The following BFSP1 variants were observed in gnomAD, a reference collection of about 807,000 sequenced individuals.
BFSP1 encodes the protein filensin.
Under a neutral mutation model 43.9 loss-of-function variants are expected in BFSP1, and 38 were observed. The ratio of observed to expected loss-of-function variants is 0.87; its 90% CI spans 0.67 to 1.14. BFSP1 has a LOEUF of 1.14. BFSP1 is among the 50% of genes most tolerant of loss of function. BFSP1 has a pLI of 0.00. For missense variants in BFSP1, 850 were observed against 875.1 expected (o/e 0.97, Z 0.36); for synonymous variants, 352 against 354.8 (o/e 0.99, Z 0.09).
upstream of BFSP1, among the ~76,000 whole-genome samples, chr20:17,535,359 T>C (rs2034609671): frequency 6.6e-6 from 1 of 152,134 alleles, no homozygotes; most frequent in Admixed American, 6.6e-5. Flanking sequence ...TGAAACCCCA[T>C]CTGTACTAAA....
chr20:17,522,366 G>C (rs998987546), intron 2 of BFSP1, among the ~76,000 whole-genome samples: 1 of 152,140 alleles, frequency 6.6e-6, no homozygotes, highest in Non-Finnish European at 1.5e-5. Context: ...ATAACCACGG[G>C]CTGTTCTGAG....
At chr20:17,511,025 T>TG (rs1208174154) in intron 4 of BFSP1, among the ~76,000 whole-genome samples, 2 of 152,202 alleles carry the variant, frequency 1.3e-5, no homozygotes, top group African/African-American at 4.8e-5. Flanking sequence ...TTGTTCAGGC[T>TG]GGTATTGAAC....
At chr20:17,498,071 AAG>A (rs1412884009) in intron 6 of BFSP1, among the ~76,000 whole-genome samples, 2 of 152,150 alleles carry the variant, frequency 1.3e-5, no homozygotes, top group African/African-American at 2.4e-5. Flanking sequence ...GCTCACAGCC[AAG>A]AGAGAGCACC....
chr20:17,555,164 G>A (rs1489191434), intron 1 of BFSP1, among the ~76,000 whole-genome samples: 1 of 151,814 alleles, frequency 6.6e-6, no homozygotes, highest in Non-Finnish European at 1.5e-5. Context: ...AGCCAGGCAT[G>A]GTGGTGCATG....
chr20:17,535,731 G>A (rs1429723106), upstream of BFSP1, among the ~76,000 whole-genome samples: 1 of 152,104 alleles, frequency 6.6e-6, no homozygotes, highest in African/African-American at 2.4e-5. Flanking sequence ...TAGAAAGTTT[G>A]AAATTATTTT....
intron 7 of BFSP1, 27 bp downstream of exon 7, chr20:17,496,911 C>G: frequency 4.8e-6 from 7 of 1,468,726 alleles, no homozygotes; most frequent in Non-Finnish European, 6.4e-6. Flanking sequence ...CAGAAAAAAA[C>G]AGAAGTCCAG....
intron 4 of BFSP1, 120 bp from the exon 5 acceptor site, chr20:17,509,116 C>A: frequency 1.5e-6 from 1 of 656,950 alleles, no homozygotes; most frequent in Non-Finnish European, 2.4e-6. Flanking sequence ...TGTTGAAGCC[C>A]TAACTAACTC....
intron 3 of BFSP1, among the ~76,000 whole-genome samples, chr20:17,513,102 T>A (rs1026666755): frequency 1.3e-5 from 2 of 152,054 alleles, no homozygotes; most frequent in African/African-American, 4.8e-5. Flanking sequence ...CTCTCTCAAC[T>A]CCTTGAGGGA....
chr20:17,541,379 C>T (rs73256667), intron 1 of BFSP1, among the ~76,000 whole-genome samples: 1,636 of 152,242 alleles, frequency 0.011, 31 homozygotes, highest in African/African-American at 0.038. Context: ...ATTCCACATT[C>T]GCTGATTGGG....
At chr20:17,567,551 T>G (rs1490997823) in intron 1 of BFSP1, among the ~76,000 whole-genome samples, 1 of 152,054 alleles carries the variant, frequency 6.6e-6, no homozygotes, top group Non-Finnish European at 1.5e-5. Flanking sequence ...CTCAGGTGAT[T>G]TGGATCTTTA....
chr20:17,548,923 C>T (rs888220235), intron 1 of BFSP1, among the ~76,000 whole-genome samples: 2 of 152,082 alleles, frequency 1.3e-5, no homozygotes, highest in Non-Finnish European at 2.9e-5. Flanking sequence ...TCCTCCTGCC[C>T]TTGCCTCCCA....
chr20:17,510,078 G>T (rs1358139261), intron 4 of BFSP1, among the ~76,000 whole-genome samples: 3 of 152,200 alleles, frequency 2.0e-5, no homozygotes, highest in Non-Finnish European at 4.4e-5. Context: ...TAACTTGATT[G>T]TAGAATTGCT....
intron 1 of BFSP1, among the ~76,000 whole-genome samples, chr20:17,553,688 T>C (rs2034931330): frequency 6.6e-6 from 1 of 150,790 alleles, no homozygotes; most frequent in Non-Finnish European, 1.5e-5. Context: ...AAGGTGATCA[T>C]CAAGGCCTTT....
At chr20:17,556,006 G>A (rs1600685943) in intron 1 of BFSP1, among the ~76,000 whole-genome samples, 1 of 152,270 alleles carries the variant, frequency 6.6e-6, no homozygotes, top group East Asian at 1.9e-4. Context: ...ATAGACCCAT[G>A]TTGGTCCATT....
chr20:17,496,305 T>C (rs1391751745), intron 7 of BFSP1, among the ~76,000 whole-genome samples: 1 of 152,240 alleles, frequency 6.6e-6, no homozygotes, highest in Non-Finnish European at 1.5e-5. Flanking sequence ...TGCATGAGCA[T>C]CCATATTACC....
At position 17,531,334 on chromosome 20, in the gene BFSP1, G is replaced by T. The variant is rs2034535805; in HGVS notation, c.-5C>A. Reference sequence around the variant, plus strand: ...GACGTAGCTGCGCCGGTACATGGCTGCTCTGGCGCGGGCGCGCGGGCGGCG... The same window carrying T: ...GACGTAGCTGCGCCGGTACATGGCTTCTCTGGCGCGGGCGCGCGGGCGGCG... On this transcript the variant is annotated 5_prime_UTR_variant, in exon 1 of 8. Transcript: ENST00000377873. The T allele has an allele frequency of 7.1e-7, 1 of 1,407,532 alleles. No homozygotes were observed. Among genetic ancestry groups the T allele is most frequent in the Non-Finnish European group, 9.2e-7 (1 of 1,087,024 alleles). The allele number at this position is 1,407,532 out of a possible 1,614,324, so 87.2% of individuals were successfully genotyped here. A position where few individuals can be genotyped will look rare whatever the true frequency, so the allele number is the denominator to read the frequency against.
intron 5 of BFSP1, among the ~76,000 whole-genome samples, chr20:17,502,890 A>G (rs2033837414): frequency 6.6e-6 from 1 of 152,210 alleles, no homozygotes; most frequent in African/African-American, 2.4e-5. Context: ...GGGGATTGAA[A>G]AGACCCCTTT....
In BFSP1 at chr20:17,510,805, C is replaced by T. The variant is rs2034059295; in HGVS notation, c.627+1171G>A. Among the ~76,000 whole-genome samples the T allele has an allele frequency of 2.6e-5, 4 of 152,164 alleles. No homozygotes were observed. The South Asian group carries it at 8.3e-4, about 32-fold the overall frequency. The stretch of plus-strand genomic sequence containing the variant: ...CACATCTAGGCAATTTCAAGTGTCA[C>T]CAGGGTTGAGAGCCACCATCCTAGG... On this transcript the variant is annotated intron_variant, in intron 4 of 7. Transcript: ENST00000377873.
chr20:17,552,684 G>T (rs1375425071), intron 1 of BFSP1, among the ~76,000 whole-genome samples: 3 of 152,048 alleles, frequency 2.0e-5, no homozygotes, highest in Non-Finnish European at 4.4e-5. Flanking sequence ...TATTTTGAGG[G>T]TAGAACCAAC....
Sources: gnomAD v4.1 joint callset for allele counts (sites outside exome capture counted in the v4.1 genomes callset) on GRCh38, gnomAD v4.1.1 for gene constraint, MANE v1.5 for transcripts, NCBI Gene and HGNC (gene_info 2026-07-23, HGNC 2026-07-21) for gene names.